The following SRGAP3 variants were observed in gnomAD, a reference collection of about 807,000 sequenced individuals.
The protein encoded by SRGAP3 is SLIT-ROBO Rho GTPase activating protein 3, also known as SLIT-ROBO Rho GTPase-activating protein 3.
Under a neutral mutation model 121.1 loss-of-function variants are expected in SRGAP3, and 39 were observed. That is an observed-to-expected ratio of 0.32 (90% confidence interval 0.25 to 0.42). The LOEUF is 0.42. SRGAP3 is among the 10% of genes least tolerant of loss of function. The pLI, the probability that SRGAP3 is intolerant of heterozygous loss-of-function variation, is 1.00. For missense variants in SRGAP3, 1,213 were observed against 1,470.6 expected (o/e 0.82, Z 2.86); for synonymous variants, 601 against 570.0 (o/e 1.05, Z -0.77).
At chr3:9,041,637 C>G (rs1945016702) in intron 10 of SRGAP3, among the ~76,000 whole-genome samples, 1 of 152,214 alleles carries the variant, frequency 6.6e-6, no homozygotes, top group Non-Finnish European at 1.5e-5. Flanking sequence ...ATCCCTAGAT[C>G]TCACTCACCA....
Position 9,239,571 on chromosome 3 carries a change from G to A in SRGAP3, c.67+9314C>T, listed in dbSNP as rs905747410. ...TATGCAATCCCAGGGGGAAGAGCCA[G>A]GTCCATTCAAGGAACCTGGAACACT... is the stretch of plus-strand genomic sequence containing the variant. On this transcript the variant is annotated intron_variant, in intron 1 of 21. Coordinates refer to ENST00000383836, the MANE Select transcript of SRGAP3 (RefSeq NM_014850.4). This position sits in a 1 kb window ranked among gnomAD's most constrained non-coding sequence, Gnocchi z 4.0. 6.6e-6 allele frequency among the ~76,000 whole-genome samples: 1 copy of A among 152,184 alleles called. No homozygotes were observed. Among genetic ancestry groups the A allele is most frequent in the South Asian group, 2.1e-4 (1 of 4,826 alleles).
rs1553684903 is a variant in SRGAP3, at chr3:9,172,093, C to CTT, written c.68-47178_68-47177dup. ...GCCTTTCCAAATGACTTTTTCTTTT[C>CTT]TTTTTTTTTTTTTTTTTTGAGACAG... On this transcript the variant is annotated intron_variant, in intron 1 of 21. Transcript: ENST00000383836. Among the ~76,000 whole-genome samples, 626 of 90,176 alleles carry CTT rather than the reference C, an allele frequency of 6.9e-3. 12 individuals carry two copies. The highest frequency in any genetic ancestry group is 0.018 in the African/African-American group (545 of 30,992). 59.2% of individuals were successfully genotyped at this position (90,176 alleles called of 152,430 possible). A position where few individuals can be genotyped will look rare whatever the true frequency, so the allele number is the denominator to read the frequency against.
chr3:9,156,152 G>A (rs1950409594), intron 1 of SRGAP3, among the ~76,000 whole-genome samples: 1 of 152,166 alleles, frequency 6.6e-6, no homozygotes, highest in South Asian at 2.1e-4. Context: ...AGGATCCTCA[G>A]TATACAGGCT....
At chr3:9,194,696 C>T (rs1488554367) in intron 1 of SRGAP3, among the ~76,000 whole-genome samples, 1 of 152,216 alleles carries the variant, frequency 6.6e-6, no homozygotes, top group East Asian at 1.9e-4. Context: ...AAGATAGTGC[C>T]AAAGTCAACA....
At chr3:9,146,965 C>T (rs1196645893) in intron 1 of SRGAP3, among the ~76,000 whole-genome samples, 4 of 152,314 alleles carry the variant, frequency 2.6e-5, no homozygotes, top group East Asian at 1.9e-4. Context: ...ACCCCCTCCA[C>T]GCACACCTGC....
chr3:9,235,497 C>CTTTGTCT (rs1559232573), intron 1 of SRGAP3: 1 of 124,048 alleles, frequency 8.1e-6, no homozygotes. Context: ...TATTTTTTTT[C>CTTTGTCT]TTTTTCTTTT....
intron 3 of SRGAP3, among the ~76,000 whole-genome samples, chr3:9,289,873 T>C (rs1954843037): frequency 1.3e-5 from 2 of 152,084 alleles, no homozygotes; most frequent in Non-Finnish European, 2.9e-5. Flanking sequence ...TTTGGGAGGC[T>C]GAGGCAGGCA....
chr3:9,152,667 G>C (rs2675184), intron 1 of SRGAP3, among the ~76,000 whole-genome samples: 113,758 of 152,078 alleles, frequency 0.75, 42,704 homozygotes, highest in African/African-American at 0.8. Context: ...ACCAGGAGGA[G>C]AGGCCGAACT....
intron 3 of SRGAP3, among the ~76,000 whole-genome samples, chr3:9,317,671 G>A (rs1212098300): frequency 6.6e-6 from 1 of 152,224 alleles, no homozygotes; most frequent in African/African-American, 2.4e-5. Context: ...TAGAAGGGAG[G>A]TTCTCAAACT....
intron 1 of SRGAP3, among the ~76,000 whole-genome samples, chr3:9,237,360 T>A (rs2125231170): frequency 6.6e-6 from 1 of 152,270 alleles, no homozygotes; most frequent in East Asian, 1.9e-4. Context: ...CTAAACATCC[T>A]ACACTGTGTT....
At chr3:9,036,561 C>CACAAAACAAAACAAA (rs67455921) in intron 11 of SRGAP3, 15 of 151,106 alleles carry the variant, frequency 9.9e-5, no homozygotes, top group East Asian at 3.9e-4. Context: ...TTATTTAAAA[C>CACAAAACAAAACAAA]ACAAAACAAA....
intron 1 of SRGAP3, among the ~76,000 whole-genome samples, chr3:9,342,526 C>T (rs1955806550): frequency 6.6e-6 from 1 of 152,226 alleles, no homozygotes; most frequent in Admixed American, 6.5e-5. Flanking sequence ...TCTCTGGCAG[C>T]TGCCATTGTT....
chr3:9,268,505 T>C (rs749404278), intron 3 of SRGAP3, among the ~76,000 whole-genome samples: 6 of 152,130 alleles, frequency 3.9e-5, no homozygotes, highest in Non-Finnish European at 8.8e-5. Flanking sequence ...ACCCAGTCTA[T>C]GGCATCTTGT....
In SRGAP3 at chr3:9,052,438, C is replaced by A. The variant is rs112245961; in HGVS notation, c.1323+589G>T. Among the ~76,000 whole-genome samples the A allele has an allele frequency of 7.9e-4, 120 of 152,336 alleles. 3 individuals are homozygous for A. Among genetic ancestry groups the A allele is most frequent in the African/African-American group, 2.2e-3 (93 of 41,584 alleles). ...GCCCCTGGTCAGGGATGTGGCTGAA[C>A]TGACTCAAGCATCCCATGGAAGATT... is the stretch of plus-strand genomic sequence containing the variant. On this transcript the variant is annotated intron_variant, in intron 9 of 21. Coordinates refer to ENST00000383836, the MANE Select transcript of SRGAP3 (RefSeq NM_014850.4).
At chr3:8,992,702 C>T (rs1433936980) in intron 20 of SRGAP3, 1 of 740,338 alleles carries the variant, frequency 1.4e-6, no homozygotes, top group Non-Finnish European at 2.3e-6. Context: ...TCCTCCTCCT[C>T]CTCCCTGCAA....
At chr3:9,052,006 C>A (rs1172765735) in intron 9 of SRGAP3, among the ~76,000 whole-genome samples, 1 of 152,300 alleles carries the variant, frequency 6.6e-6, no homozygotes, top group East Asian at 1.9e-4. Context: ...AGCCACGGTG[C>A]CCGGCCAATT....
chr3:9,014,120 G>T, intron 15 of SRGAP3: 1 of 486,172 alleles, frequency 2.1e-6, no homozygotes, highest in Non-Finnish European at 3.8e-6. Context: ...TCTTGGACCT[G>T]GGTAGAGGGA....
At chr3:9,045,980 T>C (rs1945254942) in intron 10 of SRGAP3, among the ~76,000 whole-genome samples, 3 of 152,080 alleles carry the variant, frequency 2.0e-5, no homozygotes. Context: ...ATTCTCACTG[T>C]TTTTCTTCCC....
intron 1 of SRGAP3, among the ~76,000 whole-genome samples, chr3:9,224,268 C>T (rs189971519): frequency 5.9e-5 from 9 of 152,292 alleles, no homozygotes; most frequent in African/African-American, 1.9e-4. Context: ...CTGAGCCGGT[C>T]AGGACCCCAA....
Sources: allele counts gnomAD v4.1 joint callset (sites outside exome capture counted in the v4.1 genomes callset), GRCh38; gene constraint gnomAD v4.1.1; non-coding constraint Gnocchi (gnomAD v3.1); transcripts MANE v1.5; gene names NCBI Gene and HGNC (gene_info 2026-07-23, HGNC 2026-07-21).